The following TBCE variants were observed in gnomAD, a reference collection of about 807,000 sequenced individuals.
TBCE encodes the protein tubulin-specific chaperone E.
A neutral mutation model predicts 77.0 loss-of-function variants in TBCE; 53 were observed. The ratio of observed to expected loss-of-function variants is 0.69; its 90% CI spans 0.55 to 0.87. The LOEUF is 0.87. Ranked by LOEUF, TBCE falls within the 40% of genes least tolerant of loss-of-function variation. The probability of loss-of-function intolerance (pLI) is 0.00; values close to 1 mark genes in which losing one functional copy is unlikely to be tolerated. For synonymous variants in TBCE, 235 were observed against 241.3 expected (o/e 0.97, Z 0.24); for missense variants, 624 against 622.4 (o/e 1.00, Z -0.03).
chr1:235,380,011 CT>C lies in TBCE; in HGVS notation c.-31-6del, dbSNP rs1677525447. On this transcript the variant is annotated splice_polypyrimidine_tract_variant and splice_region_variant and intron_variant, in intron 1 of 16. Transcript: ENST00000642610. ...AAGTTCTTATCAGTGTTGTATTTTT[CT>C]TCCTAGATCTCATATTTTGGATTCT... 2 of 1,477,792 alleles carry C rather than the reference CT, an allele frequency of 1.4e-6. No homozygotes were observed. Among genetic ancestry groups the C allele is most frequent in the East Asian group, 4.6e-5 (2 of 43,550 alleles). 91.5% of individuals were successfully genotyped at this position (1,477,792 alleles called of 1,614,324 possible).
rs774339661 is a variant in TBCE at position 235,436,622 on chromosome 1, G to A, written c.963+14G>A. The A allele has an allele frequency of 9.3e-6, 15 of 1,610,164 alleles. No individual in the cohort carries two copies. Among genetic ancestry groups the A allele is most frequent in the Admixed American group, 1.7e-5 (1 of 60,010 alleles). ...CAGATATCACAAGTAAGAGCTGCTC[G>A]GAGTATGCCCAGCACACTGTTGCCT... On this transcript the variant is annotated intron_variant, in intron 11 of 16. Transcript: ENST00000642610.
chr1:235,439,959 G>T (rs191618314), intron 13 of TBCE, among the ~76,000 whole-genome samples: 1 of 149,918 alleles, frequency 6.7e-6, no homozygotes, highest in African/African-American at 2.5e-5. Context: ...ACACCACCAT[G>T]CCTGGCTAAT....
At position 235,441,768 on chromosome 1, in the gene TBCE, T is replaced by G. The variant is rs373701959; in HGVS notation, c.1271-46T>G. On this transcript the variant is annotated intron_variant, in intron 13 of 16. Coordinates refer to ENST00000642610, the MANE Select transcript of TBCE (RefSeq NM_003193.5). The stretch of plus-strand genomic sequence containing the variant: ...TGTTTGTTTGTTTTGTTTTTACTTA[T>G]AGTGGCCTTTGGTTTATCATTCATC... The G allele has an allele frequency of 1.9e-5, 29 of 1,549,344 alleles. No individual in the cohort carries two copies. In the African/African-American group the frequency reaches 3.3e-4, roughly 17 times the overall value.
At chr1:235,412,496 C>T (rs1367715840) in intron 3 of TBCE, among the ~76,000 whole-genome samples, 1 of 151,034 alleles carries the variant, frequency 6.6e-6, no homozygotes, top group Non-Finnish European at 1.5e-5. Context: ...TCCCAAAATG[C>T]TAGGATCATA....
In TBCE at chr1:235,413,662, C is replaced by G. The variant is rs1431421183; in HGVS notation, c.186-771C>G. The stretch of plus-strand genomic sequence containing the variant: ...TGGGCAATAGAGTGAGATTCTGTCT[C>G]AAAAAAAAAAAAGAAAAAAAGTAAT... On this transcript the variant is annotated intron_variant, in intron 3 of 16. Transcript: ENST00000642610. 3.2e-5 allele frequency among the ~76,000 whole-genome samples: 4 copies of G among 124,692 alleles called. No individual in the cohort carries two copies. In the South Asian group the frequency reaches 1.0e-3, roughly 33 times the overall value. 81.8% of individuals were successfully genotyped at this position (124,692 alleles called of 152,430 possible). A position where few individuals can be genotyped will look rare whatever the true frequency, so the allele number is the denominator to read the frequency against.
intron 2 of TBCE, among the ~76,000 whole-genome samples, chr1:235,386,862 G>A (rs1436921307): frequency 6.6e-6 from 1 of 152,178 alleles, no homozygotes; most frequent in African/African-American, 2.4e-5. Flanking sequence ...TCCTTTGGAG[G>A]AGGAGAGGCG....
intron 3 of TBCE, among the ~76,000 whole-genome samples, chr1:235,412,407 T>A (rs1222539586): frequency 6.7e-6 from 1 of 149,874 alleles, no homozygotes; most frequent in African/African-American, 2.5e-5. Context: ...TTTTTGTATT[T>A]TTAATAGAGG....
At chr1:235,384,866 T>C (rs1677897006) in intron 2 of TBCE, among the ~76,000 whole-genome samples, 1 of 150,910 alleles carries the variant, frequency 6.6e-6, no homozygotes, top group Non-Finnish European at 1.5e-5. Context: ...AGCTTTTGAA[T>C]GTGTTTGCTC....
At position 235,400,242 on chromosome 1, in the gene TBCE, A is replaced by G. The variant is rs1679013808; in HGVS notation, c.101-1261A>G. On this transcript the variant is annotated intron_variant, in intron 2 of 16. Coordinates refer to ENST00000642610, the MANE Select transcript of TBCE (RefSeq NM_003193.5). ...CCCGAAGAACTGATATTATTACTTT[A>G]CATTGTCTGTATTACTTTAACTTCA... 2.6e-5 allele frequency among the ~76,000 whole-genome samples: 4 copies of G among 151,950 alleles called. No individual in the cohort carries two copies. In the South Asian group the frequency reaches 8.3e-4, roughly 32 times the overall value.
chr1:235,397,047 T>G (rs1382970825), intron 2 of TBCE, among the ~76,000 whole-genome samples: 2 of 152,196 alleles, frequency 1.3e-5, no homozygotes, highest in East Asian at 3.9e-4. Context: ...CCATCTTGGC[T>G]CACTGCAACC....
intron 3 of TBCE, among the ~76,000 whole-genome samples, chr1:235,413,286 G>A (rs1679916604): frequency 6.6e-6 from 1 of 151,934 alleles, no homozygotes; most frequent in South Asian, 2.1e-4. Context: ...CCTGAGCCCT[G>A]GGAATTGGAG....
chr1:235,447,649 C>T (rs1312271282), intron 15 of TBCE, among the ~76,000 whole-genome samples: 1 of 152,146 alleles, frequency 6.6e-6, no homozygotes, highest in Non-Finnish European at 1.5e-5. Context: ...AGTCCCATTC[C>T]AGTGTTCGTT....
chr1:235,370,252 C>CTTTTTTTT (rs534933199), intron 1 of TBCE, among the ~76,000 whole-genome samples: 3 of 132,886 alleles, frequency 2.3e-5, no homozygotes, highest in African/African-American at 2.8e-5. Flanking sequence ...CTGCTGTATT[C>CTTTTTTTT]TTTTTTTTTT....
intron 3 of TBCE, among the ~76,000 whole-genome samples, chr1:235,406,537 T>C (rs1235133499): frequency 1.3e-5 from 2 of 152,216 alleles, no homozygotes; most frequent in Non-Finnish European, 2.9e-5. Context: ...GTGGATTTTT[T>C]CTTTTAGTTT....
At chr1:235,373,734 C>G (rs1373034013) in intron 1 of TBCE, among the ~76,000 whole-genome samples, 1 of 151,322 alleles carries the variant, frequency 6.6e-6, no homozygotes, top group Non-Finnish European at 1.5e-5. Flanking sequence ...CTGCAAGCTC[C>G]GCCTCCCGGG....
chr1:235,433,937 T>A (rs12405889), intron 7 of TBCE: 7 of 527,218 alleles, frequency 1.3e-5, no homozygotes, highest in Non-Finnish European at 2.4e-5. Context: ...TCGTAGCTGC[T>A]TTACCTAAAC....
chr1:235,383,726 T>TG (rs1348701384), intron 2 of TBCE, among the ~76,000 whole-genome samples: 1 of 152,186 alleles, frequency 6.6e-6, no homozygotes, highest in Non-Finnish European at 1.5e-5. Flanking sequence ...GCTGAGACAG[T>TG]GGGGTTTTCT....
intron 15 of TBCE, among the ~76,000 whole-genome samples, chr1:235,443,195 T>C (rs75038687): frequency 9.4e-4 from 140 of 149,626 alleles, no homozygotes; most frequent in South Asian, 7.4e-3. Flanking sequence ...CATATATATA[T>C]ACACACACAC....
chr1:235,382,375 C>T (rs904039817), intron 2 of TBCE, among the ~76,000 whole-genome samples: 3 of 152,126 alleles, frequency 2.0e-5, no homozygotes, highest in African/African-American at 7.2e-5. Context: ...TTCTAGATCC[C>T]CAAGGAATCG....
Sources: allele counts gnomAD v4.1 joint callset (sites outside exome capture counted in the v4.1 genomes callset), GRCh38; gene constraint gnomAD v4.1.1; transcripts MANE v1.5; gene names NCBI Gene and HGNC (gene_info 2026-07-23, HGNC 2026-07-21).